Variants in CHRD observed in about 807,000 individuals in gnomAD.
CHRD encodes the protein chordin.
Under a neutral mutation model 113.7 loss-of-function variants are expected in CHRD, and 69 were observed. The observed-to-expected ratio is 0.61, with a 90% CI of 0.50 to 0.74. CHRD has a LOEUF of 0.74. Among genes scored for constraint, CHRD ranks in the 30% least tolerant of loss-of-function variants. CHRD has a pLI of 0.00. For synonymous variants in CHRD, 561 were observed against 540.8 expected (o/e 1.04, Z -0.52); for missense variants, 1,194 against 1,295.8 (o/e 0.92, Z 1.21).
rs3064288 is a variant in CHRD, at chr3:184,388,237, GTCCATCCA to G, written c.2554+244_2554+251del. Among the ~76,000 whole-genome samples, 14,608 of 137,954 alleles carry G rather than the reference GTCCATCCA, an allele frequency of 0.11. 844 individuals are homozygous for G. The highest frequency in any genetic ancestry group is 0.21 in the East Asian group (941 of 4,408). 90.5% of individuals were successfully genotyped at this position (137,954 alleles called of 152,430 possible). ...GTTCTGGTTCCTGCTCCATCCATCC[GTCCATCCA>G]TCCATCCATCCATCCATCCATCCAT... is the stretch of plus-strand genomic sequence containing the variant. On this transcript the variant is annotated intron_variant, in intron 20 of 22. Coordinates refer to ENST00000204604, the Ensembl canonical transcript of CHRD. The surrounding 1 kb of genome is among the most constrained non-coding windows in gnomAD (Gnocchi z 6.1).
In CHRD at chr3:184,386,951, C is replaced by T. The variant is rs80051209; in HGVS notation, c.2290+13C>T. The stretch of plus-strand genomic sequence containing the variant: ...CCTGTTTGCCCTGGTGAGTTCCCCG[C>T]AGGGGAGTGGAGGGAGGAGTTGGCC... On this transcript the variant is annotated intron_variant, in intron 17 of 22. Transcript: ENST00000204604. 3,756 of 1,614,194 alleles carry T rather than the reference C, an allele frequency of 2.3e-3. 90 individuals carry two copies. In the African/African-American group the frequency reaches 0.045, roughly 19 times the overall value.
chr3:184,382,013 A>G (rs761418019), exon 6 of CHRD: 1 of 1,613,874 alleles, frequency 6.2e-7, no homozygotes, highest in Non-Finnish European at 8.5e-7. Flanking sequence ...CCCACCCAAG[A>G]TGGCCTGGTG....
exon 23 of CHRD, chr3:184,389,459 G>T (rs765955016): frequency 6.3e-7 from 1 of 1,595,818 alleles, no homozygotes; most frequent in Non-Finnish European, 8.6e-7. Context: ...AGAGGATGGG[G>T]CCTGAGCTGG....
chr3:184,386,428 A>G, intron 15 of CHRD, 64 bp from the exon 16 acceptor site: 1 of 1,520,854 alleles, frequency 6.6e-7, no homozygotes, highest in Non-Finnish European at 8.8e-7. Context: ...CTGGCTGGCC[A>G]GCTGCCGCTG....
In CHRD at chr3:184,388,705, T is replaced by A; in HGVS notation, c.2673T>A (p.Pro891=). ...AGAGCTGGCACCCCTCAGTGCCCCC[T>A]TTTGGAGAGATGAGCTGTATCACCT... The change falls in exon 21 of 23, where the codon CCT becomes CCA. Residue 891 remains proline (P), a synonymous_variant. Transcript: ENST00000204604. The surrounding 1 kb of genome is among the most constrained non-coding windows in gnomAD (Gnocchi z 6.1). The A allele has an allele frequency of 6.2e-7, 1 of 1,613,840 alleles. No individual in the cohort carries two copies. Among genetic ancestry groups the A allele is most frequent in the Non-Finnish European group, 8.5e-7 (1 of 1,179,996 alleles).
Position 184,381,262 on chromosome 3 carries a change from C to T in CHRD, c.280C>T (p.Pro94Ser), listed in dbSNP as rs34095724. 0.035 allele frequency: 56,927 copies of T among 1,613,312 alleles called. 1,271 individuals are homozygous for T. Among genetic ancestry groups the T allele is most frequent in the African/African-American group, 0.093 (6,994 of 75,004 alleles). ...TCAGTGGGGTCGCCGTACCAGGGGC[C>T]CTGGCAGGGTCAGCTGCAAGAACAT... Residue 94 changes from proline to serine, a missense_variant, in exon 3 of 23, where the codon CCT (proline) becomes TCT (serine). Pro to Ser is a moderately conservative substitution (Grantham distance 74). Transcript: ENST00000204604. This position sits in a 1 kb window ranked among gnomAD's most constrained non-coding sequence, Gnocchi z 4.7.
Position 184,381,355 on chromosome 3 carries a change from T to C in CHRD, c.373T>C (p.Cys125Arg), listed in dbSNP as rs766368325. ...GCTGCCGGGACACTGCTGCCAGACC[T>C]GCCCCCAGGGTAAGTCTTGCTCCGC... The change falls in exon 3 of 23, where the codon TGC (cysteine) becomes CGC (arginine). Residue 125 changes from cysteine to arginine, a missense_variant. Coordinates refer to ENST00000204604, the Ensembl canonical transcript of CHRD. This position sits in a 1 kb window ranked among gnomAD's most constrained non-coding sequence, Gnocchi z 4.7. 1 of 1,595,710 alleles carries C rather than the reference T, an allele frequency of 6.3e-7. No homozygotes were observed. The highest frequency in any genetic ancestry group is 2.3e-5 in the East Asian group (1 of 43,906).
At chr3:184,383,674 G>C in intron 12 of CHRD, 32 bp downstream of exon 12, 1 of 1,575,096 alleles carries the variant, frequency 6.3e-7, no homozygotes, top group Non-Finnish European at 8.6e-7. Context: ...GGACCCCAGG[G>C]CCCAATGCAT....
At position 184,380,851 on chromosome 3, in the gene CHRD, G is replaced by T; in HGVS notation, c.252+56G>T. On this transcript the variant is annotated intron_variant, in intron 2 of 22. Transcript: ENST00000204604. This position sits in a 1 kb window ranked among gnomAD's most constrained non-coding sequence, Gnocchi z 6.3. ...TGGCGGGTGGGGAGCGCCGGGTCGC[G>T]CGGGCGTCGGAGTGGACTCGGAGCT... 7.3e-7 allele frequency: 1 copy of T among 1,370,016 alleles called. No homozygotes were observed. Among genetic ancestry groups the T allele is most frequent in the Non-Finnish European group, 9.8e-7 (1 of 1,016,142 alleles). The allele number at this position is 1,370,016 out of a possible 1,614,324, so 84.9% of individuals were successfully genotyped here. A position where few individuals can be genotyped will look rare whatever the true frequency, so the allele number is the denominator to read the frequency against.
chr3:184,383,231 G>T, intron 10 of CHRD, 68 bp downstream of exon 10: 1 of 1,587,936 alleles, frequency 6.3e-7, no homozygotes. Context: ...GTGCCAGGGT[G>T]GGTGTGGGAG....
At position 184,384,264 on chromosome 3, in the gene CHRD, T is replaced by C. The variant is rs58834031; in HGVS notation, c.1441-273T>C. Among the ~76,000 whole-genome samples, 13,534 of 152,288 alleles carry C rather than the reference T, an allele frequency of 0.089. 802 individuals are homozygous for C. Among genetic ancestry groups the C allele is most frequent in the East Asian group, 0.2 (1,052 of 5,180 alleles). On this transcript the variant is annotated intron_variant, in intron 12 of 22. Transcript: ENST00000204604. The surrounding 1 kb of genome is among the most constrained non-coding windows in gnomAD (Gnocchi z 4.4). The stretch of plus-strand genomic sequence containing the variant: ...TAGGGCCTTTCCATGTGCTAGGTGC[T>C]GCATTGGTGGCCTTACATAGTTTTT...
Position 184,388,737 on chromosome 3 carries a change from G to A in CHRD, c.2705G>A (p.Cys902Tyr). 6.8e-6 allele frequency: 11 copies of A among 1,614,008 alleles called. No individual in the cohort carries two copies. The highest frequency in any genetic ancestry group is 9.3e-6 in the Non-Finnish European group (11 of 1,180,002). Residue 902 changes from cysteine (C) to tyrosine (Y), a missense_variant, in exon 21 of 23, where the codon TGT (cysteine) becomes TAT (tyrosine). Physicochemically the swap from Cys to Tyr is radical, Grantham distance 194. Coordinates refer to ENST00000204604, the Ensembl canonical transcript of CHRD. This position sits in a 1 kb window ranked among gnomAD's most constrained non-coding sequence, Gnocchi z 6.1. ...GAGATGAGCTGTATCACCTGCAGAT[G>A]TGGGGTAAGTGGGGAGCAGAGGCTT...
rs769116532 is a variant in CHRD, at chr3:184,386,592, C to T, written c.2033C>T (p.Ala678Val). 17 of 1,596,652 alleles carry T rather than the reference C, an allele frequency of 1.1e-5. No individual in the cohort carries two copies. The highest frequency in any genetic ancestry group is 4.0e-5 in the African/African-American group (3 of 74,286). Residue 678 changes from alanine (A) to valine (V), a missense_variant, in exon 16 of 23, where the codon GCG becomes GTG. By Grantham distance (64) the Ala-to-Val change is moderately conservative (BLOSUM62 0). Coordinates refer to ENST00000204604, the Ensembl canonical transcript of CHRD. ...GGGGCTCCGGATACAGCCTCTGCTG[C>T]GCCGCCTGTGGTGCCTGGTCTCCCG...
At position 184,380,155 on chromosome 3, in the gene CHRD, C is replaced by A; in HGVS notation, c.-164C>A. The A allele has an allele frequency of 6.6e-6, 1 of 151,604 alleles. No individual in the cohort carries two copies. Among genetic ancestry groups the A allele is most frequent in the South Asian group, 1.8e-4 (1 of 5,452 alleles). The allele number at this position is 151,604 out of a possible 1,614,324, so 9.4% of individuals were successfully genotyped here. A position where few individuals can be genotyped will look rare whatever the true frequency, so the allele number is the denominator to read the frequency against. On this transcript the variant is annotated 5_prime_UTR_variant, in exon 1 of 23. Transcript: ENST00000204604. This position sits in a 1 kb window ranked among gnomAD's most constrained non-coding sequence, Gnocchi z 6.3. ...GCCCGGCGCCGACTCTGCGGCCGCC[C>A]GACGAGCCCCTCGCGGCACTGCCCC...
chr3:184,381,317 G>C lies in CHRD; in HGVS notation c.335G>C (p.Gly112Ala). The change falls in exon 3 of 23, where the codon GGG (glycine) becomes GCG (alanine). Residue 112 changes from glycine to alanine, a missense_variant. Transcript: ENST00000204604. The surrounding 1 kb of genome is among the most constrained non-coding windows in gnomAD (Gnocchi z 4.7). ...CCAGAGTGCCCAACCCCGGCCTGTG[G>C]GCAGCCGCGCCAGCTGCCGGGACAC... The C allele has an allele frequency of 1.2e-6, 2 of 1,609,144 alleles. No individual in the cohort carries two copies. Among genetic ancestry groups the C allele is most frequent in the Non-Finnish European group, 1.7e-6 (2 of 1,178,302 alleles).
In CHRD at chr3:184,382,957, C is replaced by T. The variant is rs770142721; in HGVS notation, c.1065+19C>T. 1.9e-6 allele frequency: 3 copies of T among 1,613,690 alleles called. No homozygotes were observed. The highest frequency in any genetic ancestry group is 1.3e-5 in the African/African-American group (1 of 75,042). On this transcript the variant is annotated intron_variant, in intron 9 of 22. Coordinates refer to ENST00000204604, the Ensembl canonical transcript of CHRD. ...AGCCCAGGTGAGTGGGGATCTGGCTCTCGCTGCCACCTGTCTTGGCCTCTT... is the reference window on the plus strand; with the variant it reads ...AGCCCAGGTGAGTGGGGATCTGGCTTTCGCTGCCACCTGTCTTGGCCTCTT...
At position 184,388,792 on chromosome 3, in the gene CHRD, G is replaced by A. The variant is rs753211187; in HGVS notation, c.2709+51G>A. 8 of 1,608,784 alleles carry A rather than the reference G, an allele frequency of 5.0e-6. No homozygotes were observed. In the South Asian group the frequency reaches 8.8e-5, roughly 18 times the overall value. On this transcript the variant is annotated intron_variant, in intron 21 of 22. Transcript: ENST00000204604. This position sits in a 1 kb window ranked among gnomAD's most constrained non-coding sequence, Gnocchi z 6.1. The stretch of plus-strand genomic sequence containing the variant: ...GAGGTGGGTACTGGGAGCCTGGTCT[G>A]GAGTAGGGAGACCTTCCCAGGGAGG...
In CHRD at chr3:184,388,476, T is replaced by C; in HGVS notation, c.2555-111T>C. On this transcript the variant is annotated intron_variant, in intron 20 of 22. Transcript: ENST00000204604. The surrounding 1 kb of genome is among the most constrained non-coding windows in gnomAD (Gnocchi z 6.1). Reference sequence around the variant, plus strand: ...TCATCTGCCCACCCACCCATCCAAATTTATCACCTACTAAGTGCCAGAAAC... The same window carrying C: ...TCATCTGCCCACCCACCCATCCAAACTTATCACCTACTAAGTGCCAGAAAC... 1 of 1,266,358 alleles carries C rather than the reference T, an allele frequency of 7.9e-7. No homozygotes were observed. Among genetic ancestry groups the C allele is most frequent in the Non-Finnish European group, 1.1e-6 (1 of 919,204 alleles). 78.4% of individuals were successfully genotyped at this position (1,266,358 alleles called of 1,614,324 possible). A position where few individuals can be genotyped will look rare whatever the true frequency, so the allele number is the denominator to read the frequency against.
chr3:184,381,882 G>C lies in CHRD; in HGVS notation c.612-51G>C. On this transcript the variant is annotated intron_variant, in intron 5 of 22. Transcript: ENST00000204604. The surrounding 1 kb of genome is among the most constrained non-coding windows in gnomAD (Gnocchi z 4.7). ...CCCGGGAGGGAAACTGGGAGAGCTG[G>C]GAGGGGCTGCTTTTGGCTCAGTCCG... 6.2e-7 allele frequency: 1 copy of C among 1,612,432 alleles called. No homozygotes were observed. The highest frequency in any genetic ancestry group is 1.1e-5 in the South Asian group (1 of 90,820).
Sources: allele counts gnomAD v4.1 joint callset (sites outside exome capture counted in the v4.1 genomes callset), GRCh38; gene constraint gnomAD v4.1.1; non-coding constraint Gnocchi (gnomAD v3.1); transcripts MANE v1.5; gene names NCBI Gene and HGNC (gene_info 2026-07-23, HGNC 2026-07-21).